The following PIEZO1 variants were observed in gnomAD, a reference collection of about 807,000 sequenced individuals.
PIEZO1 encodes piezo type mechanosensitive ion channel component 1 (Er blood group).
A neutral mutation model predicts 297.2 loss-of-function variants in PIEZO1; 296 were observed. That is an observed-to-expected ratio of 1.00 (90% CI 0.91 to 1.10). The LOEUF is 1.10. PIEZO1 is among the 50% of genes least tolerant of loss of function. PIEZO1 has a pLI of 0.00. For missense variants in PIEZO1, 5,018 were observed against 3,455.5 expected (o/e 1.45, Z -11.34); for synonymous variants, 2,427 against 1,507.5 (o/e 1.61, Z -14.13).
chr16:88,727,995 G>C (rs8053350), intron 22 of PIEZO1, among the ~76,000 whole-genome samples: 7 of 152,092 alleles, frequency 4.6e-5, no homozygotes, highest in Non-Finnish European at 8.8e-5. Flanking sequence ...TGAAAACAAC[G>C]GCCAGAAGCT....
At position 88,738,330 on chromosome 16, in the gene PIEZO1, A is replaced by G. The variant is rs1905395335; in HGVS notation, c.745T>C (p.Cys249Arg). The change falls in exon 7 of 51, where the codon TGC becomes CGC. Residue 249 changes from cysteine (C) to arginine (R), a missense_variant. Physicochemically the swap from Cys to Arg is radical, Grantham distance 180. Coordinates refer to ENST00000301015, the MANE Select transcript of PIEZO1 (RefSeq NM_001142864.4). ...GCGCCGAAGCACCCCACCGCGACGCAGAGTCTGCTGAAGCCCCGAGTGCTG... is the reference window on the plus strand; with the variant it reads ...GCGCCGAAGCACCCCACCGCGACGCGGAGTCTGCTGAAGCCCCGAGTGCTG... ...PISTRGFSRL[C>R]VAVGCFGAGH... The G allele has an allele frequency of 1.3e-6, 2 of 1,535,780 alleles. No homozygotes were observed. The highest frequency in any genetic ancestry group is 3.9e-5 in the Admixed American group (2 of 50,990).
rs899026105 is a variant in PIEZO1, at chr16:88,720,844, G to C, written c.5669-96C>G. On this transcript the variant is annotated intron_variant, in intron 39 of 50. Transcript: ENST00000301015. ...TAAGAGGCTGGCATTCTCCCTGTTT[G>C]ACAGACAAGCAGACGGAGCACAGGA... 10 of 1,328,358 alleles carry C rather than the reference G, an allele frequency of 7.5e-6. No individual in the cohort carries two copies. In the African/African-American group the frequency reaches 1.3e-4, roughly 18 times the overall value. 82.3% of individuals were successfully genotyped at this position (1,328,358 alleles called of 1,614,324 possible). A position where few individuals can be genotyped will look rare whatever the true frequency, so the allele number is the denominator to read the frequency against.
chr16:88,725,729 C>T, intron 27 of PIEZO1, 45 bp from the exon 28 acceptor site: 1 of 1,015,252 alleles, frequency 9.8e-7, no homozygotes, highest in South Asian at 1.4e-5. Flanking sequence ...GCACTCGACC[C>T]CAGCAACATG....
chr16:88,783,548 G>C (rs978957649), intron 1 of PIEZO1, among the ~76,000 whole-genome samples: 2 of 152,136 alleles, frequency 1.3e-5, no homozygotes, highest in African/African-American at 2.4e-5. Flanking sequence ...CCCTCTCTAA[G>C]GCCTGTCAGC....
At position 88,725,618 on chromosome 16, in the gene PIEZO1, C is replaced by G; in HGVS notation, c.4035G>C (p.Lys1345Asn). The G allele has an allele frequency of 1.3e-6, 2 of 1,549,570 alleles. No individual in the cohort carries two copies. Among genetic ancestry groups the G allele is most frequent in the Non-Finnish European group, 8.7e-7 (1 of 1,146,056 alleles). ...ACTGTCTTTTCAGCTGGGCCAGGGA[C>G]TTCTCCTCTATCCTGCGGTGAAAGT... is the stretch of plus-strand genomic sequence containing the variant. ...SIDFHRRIEE[K>N]SLAQLKRQME... is the part of the protein sequence containing the mutation. Residue 1345 changes from lysine (K) to asparagine (N), a missense_variant, in exon 28 of 51, where the codon AAG (lysine) becomes AAC (asparagine). By Grantham distance (94) the Lys-to-Asn change is moderately conservative. Transcript: ENST00000301015.
At chr16:88,759,127 AACAG>A (rs1175128615) in intron 1 of PIEZO1, among the ~76,000 whole-genome samples, 3 of 152,252 alleles carry the variant, frequency 2.0e-5, no homozygotes, top group Admixed American at 6.5e-5. Context: ...GACTGGAGGA[AACAG>A]ACAGAAGCAG....
chr16:88,725,202 G>A (rs1193458323), intron 29 of PIEZO1, 122 bp from the exon 30 acceptor site: 1 of 736,322 alleles, frequency 1.4e-6, no homozygotes, highest in African/African-American at 1.8e-5. Flanking sequence ...ACAGTGACGG[G>A]GGCCGTGTGG....
Position 88,742,349 on chromosome 16 carries a change from C to A in PIEZO1, c.234G>T (p.Gln78His). 6.5e-7 allele frequency: 1 copy of A among 1,535,470 alleles called. No homozygotes were observed. Among genetic ancestry groups the A allele is most frequent in the Non-Finnish European group, 8.7e-7 (1 of 1,146,650 alleles). ...GGCGGGGCACAATATGCAGGCAGAT[C>A]TGGAGGGCGAGATGGGCCACCAGGA... ...LLFLVAHLALQICLHIVPRLD... is the reference protein window; with the variant it reads ...LLFLVAHLALHICLHIVPRLD... The change falls in exon 3 of 51, where the codon CAG (glutamine) becomes CAT (histidine). Residue 78 changes from glutamine to histidine, a missense_variant. Physicochemically the swap from Gln to His is conservative, Grantham distance 24. Transcript: ENST00000301015.
rs1742583327 is a variant in PIEZO1, at chr16:88,717,151, G to A, written c.6532C>T (p.Leu2178Phe). 1.3e-6 allele frequency: 2 copies of A among 1,551,174 alleles called. No homozygotes were observed. The highest frequency in any genetic ancestry group is 2.4e-5 in the East Asian group (1 of 40,936). Reference sequence around the variant, plus strand: ...ATGGCGATGAGGAAGAGGATGATGAGGCCACCCATGCCGTACTTGACGATC... The same window carrying A: ...ATGGCGATGAGGAAGAGGATGATGAAGCCACCCATGCCGTACTTGACGATC... ...KKIVKYGMGGLIILFLIAIIW... is the reference protein window; with the variant it reads ...KKIVKYGMGGFIILFLIAIIW... The change falls in exon 45 of 51, where the codon CTC becomes TTC. Residue 2178 changes from leucine to phenylalanine, a missense_variant. Physicochemically the swap from Leu to Phe is conservative, Grantham distance 22. Coordinates refer to ENST00000301015, the MANE Select transcript of PIEZO1 (RefSeq NM_001142864.4).
At chr16:88,743,644 C>T (rs1200820724) in intron 2 of PIEZO1, 3 of 456,534 alleles carry the variant, frequency 6.6e-6, no homozygotes, top group African/African-American at 6.0e-5. Flanking sequence ...GCCTTGGACA[C>T]TCAGCCCCCT....
intron 44 of PIEZO1, 143 bp from the exon 45 acceptor site, chr16:88,717,354 C>A (rs1597440667): frequency 9.9e-6 from 7 of 706,816 alleles, no homozygotes; most frequent in South Asian, 1.6e-5. Flanking sequence ...TGGGCAGACA[C>A]AGGCCAGTGG....
chr16:88,763,200 C>T (rs1390106923), intron 1 of PIEZO1, among the ~76,000 whole-genome samples: 1 of 152,184 alleles, frequency 6.6e-6, no homozygotes, highest in East Asian at 1.9e-4. Flanking sequence ...AGGGCCGGCT[C>T]CTGGCGGCTC....
At chr16:88,782,159 G>C (rs1035104332) in intron 1 of PIEZO1, among the ~76,000 whole-genome samples, 4 of 152,156 alleles carry the variant, frequency 2.6e-5, no homozygotes, top group African/African-American at 9.7e-5. Flanking sequence ...ACCCAGGCTG[G>C]AGTGCAGTCA....
At chr16:88,724,210 A>G (rs1479837306) in intron 30 of PIEZO1, among the ~76,000 whole-genome samples, 1 of 152,232 alleles carries the variant, frequency 6.6e-6, no homozygotes, top group Non-Finnish European at 1.5e-5. Flanking sequence ...GGACCGGGGA[A>G]AACCCAGGAG....
At chr16:88,723,469 C>A (rs916858205) in intron 31 of PIEZO1, 141 bp from the exon 32 acceptor site, 8 of 968,312 alleles carry the variant, frequency 8.3e-6, no homozygotes, top group African/African-American at 8.1e-5. Context: ...GAGCCCCTCC[C>A]GGATGGGGAC....
chr16:88,742,160 C>G (rs1260600489), intron 3 of PIEZO1, 65 bp from the exon 4 acceptor site: 7 of 1,526,896 alleles, frequency 4.6e-6, no homozygotes, highest in Non-Finnish European at 5.3e-6. Flanking sequence ...CCTGGTCATC[C>G]CTGGAGCGTT....
intron 2 of PIEZO1, chr16:88,743,835 C>T: frequency 2.8e-6 from 1 of 359,546 alleles, no homozygotes. Context: ...CCCTGACCTG[C>T]TGACCCTGCA....
chr16:88,749,038 C>G (rs954332647), intron 2 of PIEZO1, among the ~76,000 whole-genome samples: 31 of 151,018 alleles, frequency 2.1e-4, no homozygotes, highest in African/African-American at 5.8e-4. Flanking sequence ...GAGATCGAGA[C>G]CATCCTGGCT....
chr16:88,723,781 C>T, intron 31 of PIEZO1, 90 bp downstream of exon 31: 1 of 719,592 alleles, frequency 1.4e-6, no homozygotes, highest in Non-Finnish European at 2.4e-6. Flanking sequence ...CTCCCAGGCC[C>T]TGGGGGCATC....
Sources: allele counts gnomAD v4.1 joint callset (sites outside exome capture counted in the v4.1 genomes callset), GRCh38; gene constraint gnomAD v4.1.1; transcripts MANE v1.5; gene names NCBI Gene and HGNC (gene_info 2026-07-23, HGNC 2026-07-21).